The following SCN10A variants were observed in gnomAD, a reference collection of about 807,000 sequenced individuals.
SCN10A encodes sodium channel protein type 10 subunit alpha.
In SCN10A, 162 loss-of-function variants were observed where a neutral mutation model predicts 170.7. The observed-to-expected ratio is 0.95, with a 90% CI of 0.84 to 1.08. The LOEUF is 1.08. SCN10A is among the 50% of genes least tolerant of loss of function. The probability of loss-of-function intolerance (pLI) is 0.00; values close to 1 mark genes in which losing one functional copy is unlikely to be tolerated. For synonymous variants in SCN10A, 985 were observed against 904.6 expected, an observed-to-expected ratio of 1.09 and a Z score of -1.59; for missense variants, 2,527 against 2,436.9, an observed-to-expected ratio of 1.04 and a Z score of -0.78.
chr3:38,800,351 A>T (rs2126064120), intron 1 of SCN10A, among the ~76,000 whole-genome samples: 1 of 152,316 alleles, frequency 6.6e-6, no homozygotes, highest in Admixed American at 6.5e-5. Context: ...AAAGATTCTC[A>T]GTCAGTAGGT....
intron 4 of SCN10A, among the ~76,000 whole-genome samples, chr3:38,779,069 C>T (rs2064108040): frequency 7.1e-6 from 1 of 140,256 alleles, no homozygotes; most frequent in African/African-American, 2.7e-5. Flanking sequence ...ACCCCTTTGA[C>T]CTGGCAATTC....
At position 38,761,388 on chromosome 3, in the gene SCN10A, G is replaced by A. The variant is rs576031277; in HGVS notation, c.692-5C>T. 49 of 1,610,966 alleles carry A rather than the reference G, an allele frequency of 3.0e-5. No individual in the cohort carries two copies. In the East Asian group the frequency reaches 5.6e-4, roughly 18 times the overall value. ...CCCCCACAATGACCTTCAGGCCTGC[G>A]GGAAGATGACAGTGGTATGACCACA... On this transcript the variant is annotated splice_region_variant and splice_polypyrimidine_tract_variant and intron_variant, in intron 6 of 27. Transcript: ENST00000449082.
In SCN10A at chr3:38,792,675, G is replaced by A. The variant is rs562944602; in HGVS notation, c.271-507C>T. On this transcript the variant is annotated intron_variant, in intron 2 of 27. Coordinates refer to ENST00000449082, the MANE Select transcript of SCN10A (RefSeq NM_006514.4). ...GGGAGAGGAGGAAGAAAGATATTCA[G>A]TGCCTTTTTATTTACTCTGCTAGCC... 3.9e-5 allele frequency among the ~76,000 whole-genome samples: 6 copies of A among 152,306 alleles called. No homozygotes were observed. The East Asian group carries it at 9.6e-4, about 24-fold the overall frequency.
intron 1 of SCN10A, among the ~76,000 whole-genome samples, chr3:38,809,743 G>A (rs2064427827): frequency 6.6e-6 from 1 of 152,122 alleles, no homozygotes; most frequent in Non-Finnish European, 1.5e-5. Flanking sequence ...TTGACAAGAA[G>A]CCGTGTTCCT....
chr3:38,738,834 C>T (rs1285627973), intron 15 of SCN10A, among the ~76,000 whole-genome samples: 1 of 152,192 alleles, frequency 6.6e-6, no homozygotes, highest in South Asian at 2.1e-4. Flanking sequence ...TGGCACTTCT[C>T]CTGTAGAGGG....
At chr3:38,768,179 AT>A (rs112438902) in intron 5 of SCN10A, among the ~76,000 whole-genome samples, 34,458 of 148,190 alleles carry the variant, frequency 0.23, 4,164 homozygotes, top group East Asian at 0.41. Flanking sequence ...TGGTTGGTGG[AT>A]TTTTTTTTTC....
At chr3:38,779,282 A>G (rs116076958) in intron 4 of SCN10A, among the ~76,000 whole-genome samples, 4 of 152,210 alleles carry the variant, frequency 2.6e-5, no homozygotes, top group African/African-American at 9.6e-5. Context: ...GCTAATTTCT[A>G]TAAAACAGCT....
chr3:38,752,564 A>T, intron 11 of SCN10A, 52 bp from the exon 12 acceptor site: 1 of 1,447,264 alleles, frequency 6.9e-7, no homozygotes, highest in Non-Finnish European at 9.2e-7. Context: ...CCTCTGGGAA[A>T]TCTAGAGCCC....
chr3:38,729,481 A>AC (rs1200857161), intron 15 of SCN10A, among the ~76,000 whole-genome samples: 2 of 151,812 alleles, frequency 1.3e-5, no homozygotes, highest in African/African-American at 4.8e-5. Flanking sequence ...CAACGAACCT[A>AC]CCCCCCAGAA....
intron 21 of SCN10A, among the ~76,000 whole-genome samples, chr3:38,714,495 G>A (rs1172996321): frequency 6.6e-6 from 1 of 152,184 alleles, no homozygotes; most frequent in Non-Finnish European, 1.5e-5. Context: ...GAGGAATATA[G>A]TAATCTGAAT....
rs748130651 is a variant in SCN10A, at chr3:38,788,995, CAATT to C, written c.427_430del (p.Asn143ValfsTer4). On this transcript the variant is annotated frameshift_variant, in exon 4 of 28. Coordinates refer to ENST00000449082, the MANE Select transcript of SCN10A (RefSeq NM_006514.4). LOFTEE classifies it high-confidence loss of function. ...AAGGTCAGTTCGGGTCATGCACACA[CAATT>C]AACCAAAATAGTGACCGTAATAAAT... 2 of 1,612,402 alleles carry C rather than the reference CAATT, an allele frequency of 1.2e-6. No individual in the cohort carries two copies. The highest frequency in any genetic ancestry group is 3.3e-5 in the Admixed American group (2 of 59,912).
intron 26 of SCN10A, among the ~76,000 whole-genome samples, chr3:38,704,854 T>C (rs1046049767): frequency 1.3e-5 from 2 of 152,160 alleles, no homozygotes; most frequent in African/African-American, 2.4e-5. Context: ...AGCTTGACCT[T>C]TGGGGCTCCT....
chr3:38,793,659 C>T, intron 2 of SCN10A, 82 bp downstream of exon 2: 1 of 1,464,326 alleles, frequency 6.8e-7, no homozygotes, highest in Non-Finnish European at 9.3e-7. Context: ...CACCCAGGGC[C>T]AAGGAGGACT....
chr3:38,801,850 T>TA (rs1559472356), intron 1 of SCN10A, among the ~76,000 whole-genome samples: 1 of 152,200 alleles, frequency 6.6e-6, no homozygotes, highest in Non-Finnish European at 1.5e-5. Context: ...TATCTACTTA[T>TA]ATACAACTAC....
intron 5 of SCN10A, among the ~76,000 whole-genome samples, chr3:38,768,846 T>C (rs1384860253): frequency 6.6e-6 from 1 of 152,226 alleles, no homozygotes; most frequent in African/African-American, 2.4e-5. Context: ...TCAAATAAGT[T>C]TTCCAAACTT....
intron 11 of SCN10A, 107 bp from the exon 12 acceptor site, chr3:38,752,619 T>G (rs1027839598): frequency 2.2e-6 from 2 of 907,124 alleles, no homozygotes; most frequent in African/African-American, 3.4e-5. Flanking sequence ...CCTGTCTTTA[T>G]GACCTTTCAG....
intron 15 of SCN10A, 123 bp downstream of exon 15, chr3:38,739,392 A>G (rs944915058): frequency 2.3e-6 from 2 of 865,214 alleles, no homozygotes; most frequent in Admixed American, 2.9e-5. Flanking sequence ...CAGGAGTCAG[A>G]CCCTGCTCCC....
intron 1 of SCN10A, among the ~76,000 whole-genome samples, chr3:38,804,036 C>G (rs1422016904): frequency 6.6e-6 from 1 of 152,140 alleles, no homozygotes; most frequent in Non-Finnish European, 1.5e-5. Context: ...CTAGCATTCT[C>G]TCAACCACTT....
chr3:38,749,665 C>A (rs1172395706), intron 13 of SCN10A, among the ~76,000 whole-genome samples: 2 of 152,118 alleles, frequency 1.3e-5, no homozygotes, highest in African/African-American at 4.8e-5. Context: ...TAAGTTACAA[C>A]CATGAAAAAT....
Sources: gnomAD v4.1 joint callset for allele counts (sites outside exome capture counted in the v4.1 genomes callset) on GRCh38, gnomAD v4.1.1 for gene constraint, MANE v1.5 for transcripts, NCBI Gene and HGNC (gene_info 2026-07-23, HGNC 2026-07-21) for gene names.